Variants in POMGNT1 observed in about 807,000 individuals in gnomAD.
The protein encoded by POMGNT1 is protein O-linked mannose N-acetylglucosaminyltransferase 1 (beta 1,2-).
Under a neutral mutation model 95.6 loss-of-function variants are expected in POMGNT1, and 67 were observed. That is an observed-to-expected ratio of 0.70 (90% CI 0.58 to 0.86). POMGNT1 has a LOEUF of 0.86. Among genes scored for constraint, POMGNT1 ranks in the 40% least tolerant of loss-of-function variants. The pLI, the probability that POMGNT1 is intolerant of heterozygous loss-of-function variation, is 0.00. For synonymous variants in POMGNT1, 298 were observed against 317.9 expected (o/e 0.94, Z 0.66); for missense variants, 719 against 855.2 (o/e 0.84, Z 1.99).
chr1:46,215,780 C>T (rs1371927320), intron 1 of POMGNT1, among the ~76,000 whole-genome samples: 2 of 152,032 alleles, frequency 1.3e-5, no homozygotes. Flanking sequence ...TGCCTGTAGT[C>T]CAGCTACTTA....
At chr1:46,193,748 C>T (rs369150530) in intron 10 of POMGNT1, 107 bp downstream of exon 10, 13 of 1,596,388 alleles carry the variant, frequency 8.1e-6, no homozygotes, top group East Asian at 4.5e-5. Flanking sequence ...GAGGTGAATG[C>T]GTCTAGAATC....
At chr1:46,201,377 C>T (rs1218592458), upstream of POMGNT1, among the ~76,000 whole-genome samples, 1 of 151,544 alleles carries the variant, frequency 6.6e-6, no homozygotes, top group Non-Finnish European at 1.5e-5. Context: ...CAAAGGTAAC[C>T]TTAGATGAAC....
At chr1:46,195,305 C>T (rs998372430) in intron 6 of POMGNT1, among the ~76,000 whole-genome samples, 1 of 152,178 alleles carries the variant, frequency 6.6e-6, no homozygotes, top group Non-Finnish European at 1.5e-5. Flanking sequence ...TACCTTCCCA[C>T]TATAGGGGCT....
intron 10 of POMGNT1, 44 bp downstream of exon 10, chr1:46,193,811 C>T: frequency 1.9e-6 from 3 of 1,611,710 alleles, no homozygotes; most frequent in Non-Finnish European, 2.5e-6. Context: ...ATGACCTAAG[C>T]ACCCTCCTGT....
At chr1:46,209,917 A>C (rs1658841147) in intron 1 of POMGNT1, among the ~76,000 whole-genome samples, 1 of 152,050 alleles carries the variant, frequency 6.6e-6, no homozygotes, top group African/African-American at 2.4e-5. Context: ...TAGTATGAGG[A>C]GCTTTGTTTA....
chr1:46,200,866 G>C (rs530391541), upstream of POMGNT1, among the ~76,000 whole-genome samples: 2 of 152,362 alleles, frequency 1.3e-5, no homozygotes, highest in East Asian at 3.9e-4. Flanking sequence ...GCCGGGTTCG[G>C]TGGCTCATGC....
In POMGNT1 at chr1:46,196,094, A is replaced by G. The variant is rs1252091840; in HGVS notation, c.355-17T>C. The G allele has an allele frequency of 5.0e-6, 8 of 1,613,748 alleles. No individual in the cohort carries two copies. The African/African-American group carries it at 6.7e-5, about 13-fold the overall frequency. On this transcript the variant is annotated splice_polypyrimidine_tract_variant and intron_variant, in intron 4 of 21. Coordinates refer to ENST00000371984, the MANE Select transcript of POMGNT1 (RefSeq NM_017739.4). The surrounding 1 kb of genome is among the most constrained non-coding windows in gnomAD (Gnocchi z 4.4). ...CTCCAGCACCTACACAGTGGCAGAGACAAAGTCCAGCTTTTCACTCTGGCA... is the reference window on the plus strand; with the variant it reads ...CTCCAGCACCTACACAGTGGCAGAGGCAAAGTCCAGCTTTTCACTCTGGCA...
chr1:46,194,062 G>A, intron 9 of POMGNT1, 137 bp from the exon 10 acceptor site: 1 of 1,544,450 alleles, frequency 6.5e-7, no homozygotes. Flanking sequence ...CCCTGTTCTG[G>A]GCTCTCCACA....
rs386834024 is a variant in POMGNT1, at chr1:46,189,457, C to A, written c.1895+1G>T. 1.1e-4 allele frequency: 174 copies of A among 1,613,366 alleles called. No homozygotes were observed. Among genetic ancestry groups the A allele is most frequent in the Non-Finnish European group, 1.3e-4 (157 of 1,179,736 alleles). ...TCCCAGGGCAGAAAAGGGTCACTCA[C>A]GAGTAGGGGGAAGCCGGGACCCCCA... On this transcript the variant is annotated splice_donor_variant, in intron 21 of 21. Coordinates refer to ENST00000371984, the MANE Select transcript of POMGNT1 (RefSeq NM_017739.4). LOFTEE classifies it high-confidence loss of function.
rs1281893777 is a variant in POMGNT1 at position 46,189,491 on chromosome 1, A to C, written c.1862T>G (p.Phe621Cys). The change falls in exon 21 of 22, where the codon TTC becomes TGC. Residue 621 changes from phenylalanine (F) to cysteine (C), a missense_variant. Phe to Cys is a radical substitution (Grantham distance 205). Around this residue, in one of 5 missense-constraint regions of POMGNT1, gnomAD observed 130 missense variants for 149.2 expected, o/e 0.87. Transcript: ENST00000371984. Reference sequence around the variant, plus strand: ...GGAAGCCGGGACCCCCACCATCAGGAAGTGGTTCTTCTTCCGAAACAATCT... The same window carrying C: ...GGAAGCCGGGACCCCCACCATCAGGCAGTGGTTCTTCTTCCGAAACAATCT... ...LWRLFRKKNH[F>C]LMVGVPASPY... 6.2e-7 allele frequency: 1 copy of C among 1,613,560 alleles called. No individual in the cohort carries two copies. The highest frequency in any genetic ancestry group is 8.5e-7 in the Non-Finnish European group (1 of 1,179,824).
chr1:46,206,776 G>A (rs1246435006), intron 1 of POMGNT1, among the ~76,000 whole-genome samples: 1 of 152,152 alleles, frequency 6.6e-6, no homozygotes, highest in African/African-American at 2.4e-5. Context: ...GGATAGTAAA[G>A]GCAAGAGAAT....
rs200416465 is a variant in POMGNT1 at position 46,189,377 on chromosome 1, A to T, written c.1896-20T>A. On this transcript the variant is annotated intron_variant, in intron 21 of 21. Transcript: ENST00000371984. The stretch of plus-strand genomic sequence containing the variant: ...TTCACTCTGGGAAAATAATACAAGA[A>T]TGTATAGAGAAGAAGCCATTAGCTA... The T allele has an allele frequency of 5.9e-5, 96 of 1,613,906 alleles. No individual in the cohort carries two copies. The highest frequency in any genetic ancestry group is 9.3e-6 in the Non-Finnish European group (11 of 1,180,010).
chr1:46,211,856 G>A (rs1021886075), intron 1 of POMGNT1, among the ~76,000 whole-genome samples: 3 of 150,848 alleles, frequency 2.0e-5, no homozygotes, highest in Admixed American at 1.3e-4. Context: ...CCTCTGCCTC[G>A]GTTCAAGTGA....
At chr1:46,203,148 G>A (rs1658599496), upstream of POMGNT1, among the ~76,000 whole-genome samples, 1 of 152,090 alleles carries the variant, frequency 6.6e-6, no homozygotes, top group African/African-American at 2.4e-5. Context: ...GCCAGGGTGG[G>A]GCGAAGGCGC....
At chr1:46,218,737 C>T (rs1659140924) in intron 1 of POMGNT1, among the ~76,000 whole-genome samples, 1 of 152,092 alleles carries the variant, frequency 6.6e-6, no homozygotes, top group Non-Finnish European at 1.5e-5. Context: ...GTCAAATTTA[C>T]TTCCAGTACA....
upstream of POMGNT1, among the ~76,000 whole-genome samples, chr1:46,202,696 C>CAAAA (rs768113273): frequency 9.3e-5 from 3 of 32,256 alleles, no homozygotes; most frequent in Admixed American, 4.2e-4. Flanking sequence ...GACTCTGTCT[C>CAAAA]AAAAAAAAAA....
intron 7 of POMGNT1, 62 bp downstream of exon 7, chr1:46,194,782 C>A (rs1013611276): frequency 5.0e-6 from 8 of 1,613,500 alleles, no homozygotes; most frequent in Non-Finnish European, 6.8e-6. Flanking sequence ...ACCCCATCTC[C>A]TAGGGTTCTG....
At chr1:46,207,760 G>A (rs561519659) in intron 1 of POMGNT1, among the ~76,000 whole-genome samples, 2 of 151,306 alleles carry the variant, frequency 1.3e-5, no homozygotes, top group African/African-American at 2.4e-5. Context: ...GGATGGTCTC[G>A]ATCTCCTGAC....
intron 1 of POMGNT1, among the ~76,000 whole-genome samples, chr1:46,212,208 A>G (rs767902433): frequency 1.8e-4 from 28 of 152,332 alleles, no homozygotes; most frequent in Middle Eastern, 3.4e-3. Context: ...TGACCTGTAT[A>G]TGTAAATACA....
Sources: gnomAD v4.1 joint callset for allele counts (sites outside exome capture counted in the v4.1 genomes callset) on GRCh38, gnomAD v4.1.1 for gene constraint, gnomAD v4.1.1 regional missense constraint, Gnocchi (gnomAD v3.1) non-coding constraint, MANE v1.5 for transcripts, NCBI Gene and HGNC (gene_info 2026-07-23, HGNC 2026-07-21) for gene names.